Variants in ARMH4 observed in about 807,000 individuals in gnomAD.
ARMH4 encodes armadillo like helical domain containing 4.
ARMH4 carries 49 observed loss-of-function variants against 61.9 expected under a neutral mutation model. The ratio of observed to expected loss-of-function variants is 0.79; its 90% CI spans 0.63 to 1.00. The LOEUF (loss-of-function observed/expected upper bound fraction) is 1.00, where lower values mean the gene tolerates loss of function less well. ARMH4 is among the 50% of genes least tolerant of loss of function. The pLI is 0.00. For missense variants in ARMH4, 934 were observed against 930.0 expected (o/e 1.00, Z -0.06); for synonymous variants, 368 against 341.5 (o/e 1.08, Z -0.85).
At chr14:58,078,180 A>C (rs537256723) in intron 5 of ARMH4, among the ~76,000 whole-genome samples, 6 of 152,172 alleles carry the variant, frequency 3.9e-5, no homozygotes, top group Non-Finnish European at 8.8e-5. Context: ...GCAGGGCAAA[A>C]GCTTATGAGC....
rs1041636682 is a variant in ARMH4 at position 58,002,352 on chromosome 14, C to G, written c.*2384G>C. ...AAATGGGTTTGTACAGAAATGTACT[C>G]TAAGTATAATCTTTTCCTTTAAGAA... On this transcript the variant is annotated 3_prime_UTR_variant, in exon 8 of 8. Coordinates refer to ENST00000267485, the MANE Select transcript of ARMH4 (RefSeq NM_001001872.4). 1.3e-5 allele frequency: 2 copies of G among 152,074 alleles called. No individual in the cohort carries two copies. Among genetic ancestry groups the G allele is most frequent in the Non-Finnish European group, 2.9e-5 (2 of 68,032 alleles). The allele number at this position is 152,074 out of a possible 1,614,324, so 9.4% of individuals were successfully genotyped here. A position where few individuals can be genotyped will look rare whatever the true frequency, so the allele number is the denominator to read the frequency against.
intron 4 of ARMH4, among the ~76,000 whole-genome samples, chr14:58,105,683 T>A (rs1207986158): frequency 1.4e-5 from 2 of 144,378 alleles, no homozygotes; most frequent in African/African-American, 2.6e-5. Context: ...TAAGACTCCA[T>A]CTCAAGAAAA....
rs1566600901 is a variant in ARMH4, at chr14:58,139,272, G to T, written c.87C>A (p.Pro29=). Residue 29 remains proline, a synonymous_variant, in exon 2 of 8, where the codon CCC becomes CCA. Transcript: ENST00000267485. ...FSVATQCLAF[P]KIERRREIAH... ...CTATCTCCCTCCTCCTTTCTATTTT[G>T]GGGAAGGCCAGACATTGTGTGGCAA... is the stretch of plus-strand genomic sequence containing the variant. The T allele has an allele frequency of 6.2e-7, 1 of 1,614,106 alleles. No individual in the cohort carries two copies. Among genetic ancestry groups the T allele is most frequent in the Non-Finnish European group, 8.5e-7 (1 of 1,180,040 alleles).
chr14:58,118,424 T>C (rs909216103), intron 4 of ARMH4, among the ~76,000 whole-genome samples: 1 of 136,910 alleles, frequency 7.3e-6, no homozygotes, highest in African/African-American at 2.8e-5. Context: ...ACAGTACGTA[T>C]GCAGGGGGTA....
intron 5 of ARMH4, among the ~76,000 whole-genome samples, chr14:58,012,413 A>T (rs1051717057): frequency 2.0e-5 from 3 of 152,188 alleles, no homozygotes; most frequent in African/African-American, 7.2e-5. Context: ...TTATTGAATG[A>T]TTAGTGGGGA....
chr14:58,050,689 T>C (rs1428903799), intron 5 of ARMH4, among the ~76,000 whole-genome samples: 3 of 152,154 alleles, frequency 2.0e-5, no homozygotes, highest in Non-Finnish European at 4.4e-5. Flanking sequence ...ATAACATTTA[T>C]GTAAAATTTA....
chr14:58,062,707 T>G (rs1050997862), intron 5 of ARMH4, among the ~76,000 whole-genome samples: 1 of 152,194 alleles, frequency 6.6e-6, no homozygotes, highest in Non-Finnish European at 1.5e-5. Flanking sequence ...CTGAGAAACA[T>G]AAACTAAGTC....
chr14:58,066,533 G>A (rs1215070339), intron 5 of ARMH4, among the ~76,000 whole-genome samples: 3 of 152,104 alleles, frequency 2.0e-5, no homozygotes, highest in Admixed American at 6.6e-5. Flanking sequence ...CCACTGAATT[G>A]TACACTTTAA....
Position 58,096,931 on chromosome 14 carries a change from C to T in ARMH4, c.1882G>A (p.Glu628Lys), listed in dbSNP as rs1358256882. 1.9e-6 allele frequency: 3 copies of T among 1,613,020 alleles called. No individual in the cohort carries two copies. Among genetic ancestry groups the T allele is most frequent in the South Asian group, 1.1e-5 (1 of 91,058 alleles). Residue 628 changes from glutamate (E) to lysine (K), a missense_variant, in exon 5 of 8, where the codon GAG (glutamate) becomes AAG (lysine). Physicochemically the swap from Glu to Lys is moderately conservative, Grantham distance 56 (BLOSUM62 1). Transcript: ENST00000267485. ...TCCTCATCTTCTTCCTCATCTTCCT[C>T]TTCTTCATCTTCATCTTCTTCATCC... ...EEDEEDEDEE[E>K]EDEEEDEEDK...
intron 5 of ARMH4, among the ~76,000 whole-genome samples, chr14:58,014,575 G>A (rs544212698): frequency 6.6e-6 from 1 of 152,090 alleles, no homozygotes; most frequent in Non-Finnish European, 1.5e-5. Flanking sequence ...AGTAAAATAC[G>A]AGTATTTTGT....
At chr14:58,094,234 G>C (rs1885671070) in intron 5 of ARMH4, among the ~76,000 whole-genome samples, 1 of 149,952 alleles carries the variant, frequency 6.7e-6, no homozygotes, top group South Asian at 2.1e-4. Context: ...GGAGGCTGAG[G>C]CAGGAGAATT....
intron 4 of ARMH4, among the ~76,000 whole-genome samples, chr14:58,099,385 G>A (rs1246130487): frequency 1.3e-5 from 2 of 152,178 alleles, no homozygotes; most frequent in African/African-American, 2.4e-5. Flanking sequence ...CAGGGTGGGA[G>A]AAAATCCAAG....
At chr14:58,065,548 T>A (rs1000155926) in intron 5 of ARMH4, among the ~76,000 whole-genome samples, 1 of 152,238 alleles carries the variant, frequency 6.6e-6, no homozygotes, top group African/African-American at 2.4e-5. Context: ...TGTTTCATTA[T>A]CTAATTTATT....
intron 5 of ARMH4, among the ~76,000 whole-genome samples, chr14:58,089,216 A>G (rs762729083): frequency 6.6e-6 from 1 of 152,246 alleles, no homozygotes; most frequent in Non-Finnish European, 1.5e-5. Flanking sequence ...ATAGCTTAAC[A>G]TGTTATACAT....
chr14:58,138,337 T>C lies in ARMH4; in HGVS notation c.1022A>G (p.Glu341Gly). ...GDNEETQVRTEMSQTAQVSHE... is the reference protein window; with the variant it reads ...GDNEETQVRTGMSQTAQVSHE... ...GCTTACTTGTGCTGTCTGAGACATC[T>C]CCGTTCTCACCTGAGTCTCTTCATT... The change falls in exon 2 of 8, where the codon GAG becomes GGG. Residue 341 changes from glutamate (E) to glycine (G), a missense_variant. Glu to Gly is a moderately conservative substitution (Grantham distance 98). Transcript: ENST00000267485. The C allele has an allele frequency of 1.2e-6, 2 of 1,614,212 alleles. No individual in the cohort carries two copies. The highest frequency in any genetic ancestry group is 1.7e-6 in the Non-Finnish European group (2 of 1,180,036).
intron 5 of ARMH4, among the ~76,000 whole-genome samples, chr14:58,072,647 A>G (rs191999917): frequency 9.9e-5 from 15 of 151,806 alleles, no homozygotes; most frequent in Non-Finnish European, 2.1e-4. Flanking sequence ...GCTTGAACCC[A>G]GGAGGCGGAG....
At chr14:58,106,199 G>A (rs1157444279) in intron 4 of ARMH4, among the ~76,000 whole-genome samples, 1 of 152,192 alleles carries the variant, frequency 6.6e-6, no homozygotes, top group Non-Finnish European at 1.5e-5. Context: ...CCTTGCCATG[G>A]AGCTAATGGA....
intron 5 of ARMH4, among the ~76,000 whole-genome samples, chr14:58,021,924 G>A (rs915705670): frequency 3.3e-5 from 5 of 152,170 alleles, no homozygotes; most frequent in African/African-American, 1.2e-4. Flanking sequence ...CTGCAACCAA[G>A]GAGGGCTGCA....
intron 5 of ARMH4, among the ~76,000 whole-genome samples, chr14:58,062,300 C>T: frequency 6.6e-6 from 1 of 152,192 alleles, no homozygotes; most frequent in Non-Finnish European, 1.5e-5. Flanking sequence ...GATCATGCCA[C>T]TGCACTCCAG....
Sources: allele counts gnomAD v4.1 joint callset (sites outside exome capture counted in the v4.1 genomes callset), GRCh38; gene constraint gnomAD v4.1.1; transcripts MANE v1.5; gene names NCBI Gene and HGNC (gene_info 2026-07-23, HGNC 2026-07-21).